The following MRPL55 variants were observed in gnomAD, a reference collection of about 807,000 sequenced individuals.
The protein encoded by MRPL55 is large ribosomal subunit protein mL55.
A neutral mutation model predicts 10.6 loss-of-function variants in MRPL55; 7 were observed. The ratio of observed to expected loss-of-function variants is 0.66; its 90% CI spans 0.38 to 1.24. The LOEUF is 1.24. Among genes scored for constraint, MRPL55 ranks in the 50% most tolerant of loss-of-function variants. MRPL55 has a pLI of 0.02. For missense variants in MRPL55, 148 were observed against 180.3 expected, an observed-to-expected ratio of 0.82 and a Z score of 1.03; for synonymous variants, 57 against 71.8, an observed-to-expected ratio of 0.79 and a Z score of 1.04.
At position 228,107,801 on chromosome 1, in the gene MRPL55, C is replaced by T. The variant is rs1037880163; in HGVS notation, c.95G>A (p.Arg32Gln). 39 of 1,613,134 alleles carry T rather than the reference C, an allele frequency of 2.4e-5. No individual in the cohort carries two copies. The highest frequency in any genetic ancestry group is 5.5e-5 in the South Asian group (5 of 91,086). ...ALRRLHTSSW[R>Q]ADSSRASLTR... ...GAGTGAGGCCCTGCTGCTGTCAGCT[C>T]GCCAGGAGGATGTGTGCAGGCGGCG... The change falls in exon 4 of 5, where the codon CGA (arginine) becomes CAA (glutamine). Residue 32 changes from arginine (R) to glutamine (Q), a missense_variant. Arg to Gln is a conservative substitution (Grantham distance 43, BLOSUM62 1). Coordinates refer to ENST00000336520, the MANE Select transcript of MRPL55 (RefSeq NM_181463.3).
chr1:228,108,187 G>A, intron 3 of MRPL55, 48 bp downstream of exon 3: 1 of 1,593,250 alleles, frequency 6.3e-7, no homozygotes, highest in Admixed American at 1.7e-5. Context: ...GGGTTCCCTG[G>A]GGTGGCCCCT....
At chr1:228,107,447 A>C (rs1388444565) in intron 4 of MRPL55, among the ~76,000 whole-genome samples, 1 of 152,192 alleles carries the variant, frequency 6.6e-6, no homozygotes, top group African/African-American at 2.4e-5. Flanking sequence ...TAAAAAATAA[A>C]AACACACTAC....
Position 228,106,700 on chromosome 1 carries a change from C to G in MRPL55, c.*60G>C, listed in dbSNP as rs964826089. On this transcript the variant is annotated 3_prime_UTR_variant, in exon 5 of 5. Coordinates refer to ENST00000336520, the MANE Select transcript of MRPL55 (RefSeq NM_181463.3). ...AGACTCCAGGTGGCAGCTTCAAGAA[C>G]GAGTGATTTAAGAACAGCCCTCCCA... 1.9e-6 allele frequency: 3 copies of G among 1,541,190 alleles called. No individual in the cohort carries two copies. In the African/African-American group the frequency reaches 4.1e-5, roughly 21 times the overall value.
chr1:228,107,597 G>C, intron 4 of MRPL55, 71 bp downstream of exon 4: 1 of 1,411,936 alleles, frequency 7.1e-7, no homozygotes, highest in East Asian at 2.4e-5. Flanking sequence ...GAAGGCGACT[G>C]GTCACCAGCA....
chr1:228,108,383 T>C (rs1487705655), intron 2 of MRPL55, 65 bp from the exon 3 acceptor site: 8 of 1,081,294 alleles, frequency 7.4e-6, no homozygotes, highest in South Asian at 1.5e-5. Context: ...TGGTTTCTTA[T>C]CAAATCCCAG....
At chr1:228,108,098 C>A (rs762093972) in intron 3 of MRPL55, 137 bp downstream of exon 3, 3 of 1,533,032 alleles carry the variant, frequency 2.0e-6, no homozygotes, top group Admixed American at 4.0e-5. Context: ...AGCAAGGGCA[C>A]AAAGCTTCCA....
At chr1:228,108,151 G>A (rs2033394079) in intron 3 of MRPL55, 84 bp downstream of exon 3, 1 of 1,549,154 alleles carries the variant, frequency 6.5e-7, no homozygotes, top group African/African-American at 1.4e-5. Context: ...GGGAGGATTA[G>A]AATGGCGGTT....
chr1:228,108,404 T>G (rs977961894), intron 2 of MRPL55, 86 bp from the exon 3 acceptor site: 3 of 887,268 alleles, frequency 3.4e-6, no homozygotes, highest in Non-Finnish European at 5.2e-6. Context: ...CCCAGGATGC[T>G]TCCAAGACAC....
Position 228,108,121 on chromosome 1 carries a change from G to A in MRPL55, c.26+114C>T, listed in dbSNP as rs1262998938. ...CACAAAGCTTCCAGCACAGGGGACA[G>A]TGGACAATAGCAAGGACTAGGGAGG... On this transcript the variant is annotated intron_variant, in intron 3 of 4. Coordinates refer to ENST00000336520, the MANE Select transcript of MRPL55 (RefSeq NM_181463.3). 13 of 1,532,210 alleles carry A rather than the reference G, an allele frequency of 8.5e-6. 1 individual carries two copies. In the South Asian group the frequency reaches 1.3e-4, roughly 16 times the overall value. The allele number at this position is 1,532,210 out of a possible 1,614,324, so 94.9% of individuals were successfully genotyped here.
intron 3 of MRPL55, 102 bp from the exon 4 acceptor site, chr1:228,107,971 C>T: frequency 3.2e-6 from 5 of 1,555,416 alleles, no homozygotes; most frequent in Non-Finnish European, 3.5e-6. Flanking sequence ...CCACAGGAGA[C>T]ATTACCAGAG....
At position 228,107,669 on chromosome 1, in the gene MRPL55, G is replaced by A. The variant is rs145268311; in HGVS notation, c.227C>T (p.Ala76Val). 1.7e-5 allele frequency: 28 copies of A among 1,612,464 alleles called. No individual in the cohort carries two copies. The highest frequency in any genetic ancestry group is 1.5e-4 in the African/African-American group (11 of 74,918). The change falls in exon 4 of 5, where the codon GCG (alanine) becomes GTG (valine). Residue 76 changes from alanine to valine, a missense_variant and splice_region_variant. Coordinates refer to ENST00000336520, the MANE Select transcript of MRPL55 (RefSeq NM_181463.3). The stretch of plus-strand genomic sequence containing the variant: ...AAGCACCTGGAGAGGGAAGCTTACC[G>A]CCAGCATGCGCCGTGGCTCCCTGTA... Reference protein sequence around the residue: ...IRYREPRRMLAMPIDLDTLSP... With the variant: ...IRYREPRRMLVMPIDLDTLSP...
intron 2 of MRPL55, 42 bp from the exon 3 acceptor site, chr1:228,108,360 T>C: frequency 7.8e-7 from 1 of 1,276,858 alleles, no homozygotes; most frequent in Non-Finnish European, 1.1e-6. Context: ...AAAAGGAAGG[T>C]TCTTCCACCT....
At position 228,106,707 on chromosome 1, in the gene MRPL55, T is replaced by C; in HGVS notation, c.*53A>G. On this transcript the variant is annotated 3_prime_UTR_variant, in exon 5 of 5. Coordinates refer to ENST00000336520, the MANE Select transcript of MRPL55 (RefSeq NM_181463.3). The stretch of plus-strand genomic sequence containing the variant: ...AGGTGGCAGCTTCAAGAACGAGTGA[T>C]TTAAGAACAGCCCTCCCATCTTAGC... 3.2e-6 allele frequency: 5 copies of C among 1,560,964 alleles called. No homozygotes were observed. Among genetic ancestry groups the C allele is most frequent in the Non-Finnish European group, 4.4e-6 (5 of 1,145,120 alleles).
In MRPL55 at chr1:228,107,375, G is replaced by T. The variant is rs542049427; in HGVS notation, c.228+293C>A. ...GGGGGTCAGGGCTGCAGTGAACCGA[G>T]ATCGTGCCTCTGCACTCCAGCCTGG... On this transcript the variant is annotated intron_variant, in intron 4 of 4. Coordinates refer to ENST00000336520, the MANE Select transcript of MRPL55 (RefSeq NM_181463.3). Among the ~76,000 whole-genome samples, 8 of 152,356 alleles carry T rather than the reference G, an allele frequency of 5.3e-5. No homozygotes were observed. The South Asian group carries it at 1.7e-3, about 32-fold the overall frequency.
At position 228,108,330 on chromosome 1, in the gene MRPL55, A is replaced by C; in HGVS notation, c.-58-12T>G. ...CCCTGGCGTGCAACCTGCTAGGCAG[A>C]GAATGAAGAGATCTTTTTTAAAAGG... On this transcript the variant is annotated splice_polypyrimidine_tract_variant and intron_variant, in intron 2 of 4. Transcript: ENST00000336520. The C allele has an allele frequency of 6.8e-7, 1 of 1,465,100 alleles. No homozygotes were observed. The highest frequency in any genetic ancestry group is 9.3e-7 in the Non-Finnish European group (1 of 1,075,330). 90.8% of individuals were successfully genotyped at this position (1,465,100 alleles called of 1,614,324 possible).
rs35265990 is a variant in MRPL55, at chr1:228,107,771, C to G, written c.125G>C (p.Arg42Pro). Residue 42 changes from arginine to proline, a missense_variant, in exon 4 of 5, where the codon CGT becomes CCT. Physicochemically the swap from Arg to Pro is moderately radical, Grantham distance 103. Transcript: ENST00000336520. ...TCGTGCATAAGCCTGGCGGTGCACA[C>G]GAGTGAGTGAGGCCCTGCTGCTGTC... ...RADSSRASLT[R>P]VHRQAYARLY... 6.2e-6 allele frequency: 10 copies of G among 1,613,168 alleles called. No individual in the cohort carries two copies. Among genetic ancestry groups the G allele is most frequent in the African/African-American group, 1.3e-5 (1 of 74,956 alleles).
rs375373877 is a variant in MRPL55, at chr1:228,106,828, C to G, written c.319G>C (p.Glu107Gln). The G allele has an allele frequency of 1.2e-6, 2 of 1,614,012 alleles. No homozygotes were observed. The highest frequency in any genetic ancestry group is 1.6e-4 in the Middle Eastern group (1 of 6,062). ...TGCAAGTCATCACTGAGCTCCTGCT[C>G]GTACTCCTTCCTCGACTGGAGCTGA... ...EAQLQSRKEY[E>Q]QELSDDLHVE... The change falls in exon 5 of 5, where the codon GAG becomes CAG. Residue 107 changes from glutamate (E) to glutamine (Q), a missense_variant. Coordinates refer to ENST00000336520, the MANE Select transcript of MRPL55 (RefSeq NM_181463.3).
At chr1:228,107,991 C>G in intron 3 of MRPL55, 122 bp from the exon 4 acceptor site, 1 of 1,545,492 alleles carries the variant, frequency 6.5e-7, no homozygotes, top group Non-Finnish European at 8.8e-7. Flanking sequence ...GCTGGTGACC[C>G]GTGCCGGGGC....
At chr1:228,108,406 CCAA>C in intron 2 of MRPL55, 88 bp from the exon 3 acceptor site, 1 of 866,542 alleles carries the variant, frequency 1.2e-6, no homozygotes. Context: ...CAGGATGCTT[CCAA>C]GACACATGTA....
Sources: allele counts gnomAD v4.1 joint callset (sites outside exome capture counted in the v4.1 genomes callset), GRCh38; gene constraint gnomAD v4.1.1; transcripts MANE v1.5; gene names NCBI Gene and HGNC (gene_info 2026-07-23, HGNC 2026-07-21).